The following JPT1 variants were observed in gnomAD, a reference collection of about 807,000 sequenced individuals.
The protein encoded by JPT1 is androgen-regulated protein 2.
In JPT1, 5 loss-of-function variants were observed where a neutral mutation model predicts 17.0. That is an observed-to-expected ratio of 0.29 (90% CI 0.15 to 0.62). The LOEUF (loss-of-function observed/expected upper bound fraction) is 0.62, where lower values mean the gene tolerates loss of function less well. JPT1 is among the 20% of genes least tolerant of loss of function. The probability of loss-of-function intolerance (pLI) is 0.85; values close to 1 mark genes in which losing one functional copy is unlikely to be tolerated. For synonymous variants in JPT1, 71 were observed against 73.6 expected, an observed-to-expected ratio of 0.96 and a Z score of 0.18; for missense variants, 158 against 188.1, an observed-to-expected ratio of 0.84 and a Z score of 0.94.
At chr17:75,148,233 G>A (rs1032378050) in intron 2 of JPT1, among the ~76,000 whole-genome samples, 8 of 152,192 alleles carry the variant, frequency 5.3e-5, no homozygotes, top group African/African-American at 1.7e-4. Context: ...TTCAAAACCA[G>A]CTGTAGTTGG....
intron 1 of JPT1, among the ~76,000 whole-genome samples, chr17:75,151,014 C>T (rs1283342123): frequency 6.6e-6 from 1 of 151,728 alleles, no homozygotes; most frequent in African/African-American, 2.4e-5. Flanking sequence ...CCGGAACGCC[C>T]GGCTAACTCT....
intron 4 of JPT1, chr17:75,138,333 T>G (rs1355740209): frequency 6.6e-6 from 1 of 152,182 alleles, no homozygotes; most frequent in African/African-American, 2.4e-5. Context: ...TTCTAAGATA[T>G]TCGTAAAAAT....
In JPT1 at chr17:75,135,491, T is replaced by C. The variant is rs990506930; in HGVS notation, c.*611A>G. ...TTCATTGTACATCCAAGCCTTCCTC[T>C]GCGTGAGAGCAAAGGCTTTGCTCAT... On this transcript the variant is annotated 3_prime_UTR_variant, in exon 5 of 5. Coordinates refer to ENST00000409753, the MANE Select transcript of JPT1 (RefSeq NM_016185.4). 2 of 152,362 alleles carry C rather than the reference T, an allele frequency of 1.3e-5. No homozygotes were observed. Among genetic ancestry groups the C allele is most frequent in the African/African-American group, 4.8e-5 (2 of 41,464 alleles). 9.4% of individuals were successfully genotyped at this position (152,362 alleles called of 1,614,324 possible).
chr17:75,154,469 A>C lies in JPT1; in HGVS notation c.-72T>G. 2 of 1,412,502 alleles carry C rather than the reference A, an allele frequency of 1.4e-6. No homozygotes were observed. The highest frequency in any genetic ancestry group is 9.6e-7 in the Non-Finnish European group (1 of 1,039,308). The allele number at this position is 1,412,502 out of a possible 1,614,324, so 87.5% of individuals were successfully genotyped here. A position where few individuals can be genotyped will look rare whatever the true frequency, so the allele number is the denominator to read the frequency against. Reference sequence around the variant, plus strand: ...GGGTCGGACCCGAGGGGCGCTGGGAAACTCCACACCCAACAGCCGACCACC... The same window carrying C: ...GGGTCGGACCCGAGGGGCGCTGGGACACTCCACACCCAACAGCCGACCACC... On this transcript the variant is annotated 5_prime_UTR_variant, in exon 1 of 5. Transcript: ENST00000409753.
intron 4 of JPT1, among the ~76,000 whole-genome samples, chr17:75,136,629 T>C (rs1435361817): frequency 6.6e-6 from 1 of 152,138 alleles, no homozygotes; most frequent in Non-Finnish European, 1.5e-5. Flanking sequence ...GTAGCTGGGA[T>C]TACAGGCGCC....
chr17:75,152,431 T>G (rs1446624344), intron 1 of JPT1, among the ~76,000 whole-genome samples: 2 of 152,120 alleles, frequency 1.3e-5, no homozygotes, highest in African/African-American at 4.8e-5. Context: ...ATTAAGTTTA[T>G]GAGAATTAGG....
At chr17:75,152,149 A>C (rs1404664301) in intron 1 of JPT1, among the ~76,000 whole-genome samples, 1 of 152,130 alleles carries the variant, frequency 6.6e-6, no homozygotes, top group Non-Finnish European at 1.5e-5. Context: ...GATATCCCCA[A>C]ACAAAGGATG....
At chr17:75,150,373 C>G (rs1316117187) in intron 1 of JPT1, among the ~76,000 whole-genome samples, 1 of 152,128 alleles carries the variant, frequency 6.6e-6, no homozygotes, top group Admixed American at 6.6e-5. Flanking sequence ...CCTGCCTCAG[C>G]CCCTGAGTAG....
intron 1 of JPT1, chr17:75,153,633 G>C (rs1272697632): frequency 6.6e-6 from 1 of 152,268 alleles, no homozygotes; most frequent in African/African-American, 2.4e-5. Context: ...GCAGGGATGG[G>C]GAGAAGGGGT....
intron 1 of JPT1, among the ~76,000 whole-genome samples, chr17:75,151,829 C>T (rs1324628572): frequency 6.6e-6 from 1 of 151,724 alleles, no homozygotes; most frequent in Non-Finnish European, 1.5e-5. Flanking sequence ...ATTAGCCAGG[C>T]GTTTTGGCAC....
chr17:75,137,363 G>T (rs1456637791), intron 4 of JPT1, among the ~76,000 whole-genome samples: 1 of 151,658 alleles, frequency 6.6e-6, no homozygotes, highest in Admixed American at 6.6e-5. Flanking sequence ...GGGGTGGCAG[G>T]TGGAGGATAT....
At chr17:75,138,112 T>A (rs1034038630) in intron 4 of JPT1, among the ~76,000 whole-genome samples, 1 of 151,534 alleles carries the variant, frequency 6.6e-6, no homozygotes, top group African/African-American at 2.4e-5. Context: ...AGGTGCCCGC[T>A]ACAACGCCCG....
intron 4 of JPT1, among the ~76,000 whole-genome samples, chr17:75,145,021 G>C (rs925320105): frequency 6.6e-6 from 1 of 151,590 alleles, no homozygotes; most frequent in Admixed American, 6.6e-5. Context: ...GGCTCATGCC[G>C]GGCATGGTGC....
Position 75,135,967 on chromosome 17 carries a change from A to C in JPT1, c.*135T>G, listed in dbSNP as rs990475806. ...AGAGAAACCTGTTCTTCAAAAGAAA[A>C]AAAAAAAAGACAGCAGTACATAAAG... On this transcript the variant is annotated 3_prime_UTR_variant, in exon 5 of 5. Transcript: ENST00000409753. The C allele has an allele frequency of 1.9e-6, 3 of 1,565,454 alleles. No homozygotes were observed. The highest frequency in any genetic ancestry group is 2.6e-6 in the Non-Finnish European group (3 of 1,156,762).
chr17:75,144,469 G>A (rs1267963473), intron 4 of JPT1, among the ~76,000 whole-genome samples: 1 of 152,036 alleles, frequency 6.6e-6, no homozygotes, highest in East Asian at 1.9e-4. Context: ...CTGTGAGGGT[G>A]ACACTGCACT....
chr17:75,136,198 G>A lies in JPT1; in HGVS notation c.369C>T (p.Pro123=), dbSNP rs202001206. The A allele has an allele frequency of 4.3e-6, 7 of 1,613,358 alleles. No individual in the cohort carries two copies. The highest frequency in any genetic ancestry group is 2.7e-5 in the African/African-American group (2 of 75,028). Reference sequence around the variant, plus strand: ...GGCTGGGCACAGGCGCAGCAGGCACGGGCTTCTCTTCACTCTGCCCCAGGC... The same window carrying A: ...GGCTGGGCACAGGCGCAGCAGGCACAGGCTTCTCTTCACTCTGCCCCAGGC... ...PGSLGQSEEK[P]VPAAPVPSPV... is the part of the protein sequence containing the mutation. Residue 123 remains proline, a synonymous_variant, in exon 5 of 5, where the codon CCC becomes CCT. Transcript: ENST00000409753.
Position 75,136,084 on chromosome 17 carries a change from C to A in JPT1, c.*18G>T. 6.2e-7 allele frequency: 1 copy of A among 1,614,188 alleles called. No homozygotes were observed. Among genetic ancestry groups the A allele is most frequent in the Admixed American group, 1.7e-5 (1 of 60,022 alleles). ...ATGGAGGAAACAGACAGAACGACAG[C>A]GTTCAGGACAGTCAGAGCTAACCCA... On this transcript the variant is annotated 3_prime_UTR_variant, in exon 5 of 5. Transcript: ENST00000409753.
At chr17:75,154,158 G>A in intron 1 of JPT1, 184 bp downstream of exon 1, 1 of 296,372 alleles carries the variant, frequency 3.4e-6, no homozygotes, top group South Asian at 1.6e-4. Flanking sequence ...CCCGGGTGGG[G>A]CCGGCGCGCA....
intron 4 of JPT1, chr17:75,146,425 T>C: frequency 2.4e-6 from 1 of 412,590 alleles, no homozygotes; most frequent in Non-Finnish European, 4.4e-6. Flanking sequence ...AGTGTTGAGA[T>C]TACAGGCGTG....
Sources: gnomAD v4.1 joint callset for allele counts (sites outside exome capture counted in the v4.1 genomes callset) on GRCh38, gnomAD v4.1.1 for gene constraint, MANE v1.5 for transcripts, NCBI Gene and HGNC (gene_info 2026-07-23, HGNC 2026-07-21) for gene names.